Variants in SLC8A1 observed in about 807,000 individuals in gnomAD.
SLC8A1 encodes the protein sodium/calcium exchanger 1.
SLC8A1 carries 18 observed loss-of-function variants against 68.3 expected under a neutral mutation model. That is an observed-to-expected ratio of 0.26 (90% CI 0.18 to 0.39). SLC8A1 has a LOEUF of 0.39. Ranked by LOEUF, SLC8A1 falls within the 10% of genes least tolerant of loss-of-function variation. SLC8A1 has a pLI of 1.00. For missense variants in SLC8A1, 985 were observed against 1,156.7 expected, an observed-to-expected ratio of 0.85 and a Z score of 2.15; for synonymous variants, 475 against 415.5, an observed-to-expected ratio of 1.14 and a Z score of -1.74.
intron 2 of SLC8A1, among the ~76,000 whole-genome samples, chr2:40,297,702 G>A (rs971515724): frequency 1.3e-5 from 2 of 152,110 alleles, no homozygotes; most frequent in Non-Finnish European, 2.9e-5. Context: ...ACATAACTTA[G>A]AAATCCTAAA....
At chr2:40,374,086 C>T (rs749379134) in intron 2 of SLC8A1, among the ~76,000 whole-genome samples, 2 of 152,136 alleles carry the variant, frequency 1.3e-5, no homozygotes, top group Non-Finnish European at 2.9e-5. Flanking sequence ...CACAAATCCA[C>T]TGAGGATTAA....
intron 7 of SLC8A1, among the ~76,000 whole-genome samples, chr2:40,118,892 T>G (rs2036155571): frequency 6.6e-6 from 1 of 152,074 alleles, no homozygotes; most frequent in Non-Finnish European, 1.5e-5. Flanking sequence ...CCCTGGCACC[T>G]GATACATTGC....
At chr2:40,157,115 T>G (rs2148425206) in intron 6 of SLC8A1, among the ~76,000 whole-genome samples, 1 of 152,350 alleles carries the variant, frequency 6.6e-6, no homozygotes, top group Admixed American at 6.5e-5. Flanking sequence ...ATAGCTATTT[T>G]ATTAATTAAA....
intron 1 of SLC8A1, among the ~76,000 whole-genome samples, chr2:40,508,655 C>T (rs369633205): frequency 6.6e-6 from 1 of 152,054 alleles, no homozygotes; most frequent in Non-Finnish European, 1.5e-5. Flanking sequence ...TCCTTTTAAA[C>T]ATGCTGAAAC....
intron 2 of SLC8A1, among the ~76,000 whole-genome samples, chr2:40,367,595 C>T (rs369879147): frequency 8.6e-4 from 131 of 152,038 alleles, no homozygotes; most frequent in African/African-American, 3.0e-3. Context: ...GTGAGACAAA[C>T]GTACATGTGT....
intron 2 of SLC8A1, among the ~76,000 whole-genome samples, chr2:40,249,214 C>G (rs1471456523): frequency 6.6e-6 from 1 of 151,966 alleles, no homozygotes; most frequent in Non-Finnish European, 1.5e-5. Context: ...CTGAAATTAA[C>G]TGATTAAAGA....
chr2:40,362,593 A>G (rs1211682260), intron 2 of SLC8A1, among the ~76,000 whole-genome samples: 1 of 152,160 alleles, frequency 6.6e-6, no homozygotes, highest in Non-Finnish European at 1.5e-5. Context: ...TCTTCATGTG[A>G]CAATTACAGT....
At chr2:40,476,013 G>C (rs1219349526) in intron 1 of SLC8A1, among the ~76,000 whole-genome samples, 1 of 152,076 alleles carries the variant, frequency 6.6e-6, no homozygotes, top group East Asian at 1.9e-4. Context: ...TTTTCTTTGA[G>C]AGGTATTGTT....
Position 40,145,684 on chromosome 2 carries a change from A to G in SLC8A1, c.2162-6008T>C, listed in dbSNP as rs754471050. On this transcript the variant is annotated intron_variant, in intron 6 of 7. Coordinates refer to ENST00000406785, the Ensembl canonical transcript of SLC8A1. ...TTAGCGATCAGCTAAGAAAAATAAAACAGAATGGTGATTCAATTGATACAT... is the reference window on the plus strand; with the variant it reads ...TTAGCGATCAGCTAAGAAAAATAAAGCAGAATGGTGATTCAATTGATACAT... 1.5e-4 allele frequency among the ~76,000 whole-genome samples: 23 copies of G among 152,222 alleles called. 1 individual carries two copies. Among genetic ancestry groups the G allele is most frequent in the Admixed American group, 6.5e-5 (1 of 15,276 alleles).
chr2:40,436,248 T>G (rs528311581), intron 1 of SLC8A1, among the ~76,000 whole-genome samples: 2 of 152,164 alleles, frequency 1.3e-5, no homozygotes, highest in Non-Finnish European at 2.9e-5. Flanking sequence ...ATCTGCTTAT[T>G]GAATGAGTAA....
At chr2:40,154,281 A>AATTT (rs2043989175) in intron 6 of SLC8A1, among the ~76,000 whole-genome samples, 1 of 148,288 alleles carries the variant, frequency 6.7e-6, no homozygotes, top group Non-Finnish European at 1.5e-5. Flanking sequence ...CACAATTTTT[A>AATTT]ATTTATTTTT....
intron 2 of SLC8A1, among the ~76,000 whole-genome samples, chr2:40,312,502 A>C (rs1229857672): frequency 1.3e-5 from 2 of 152,098 alleles, no homozygotes; most frequent in Non-Finnish European, 2.9e-5. Context: ...TTTCTCCACA[A>C]ATTATAAAAG....
chr2:40,351,920 G>T (rs1671222415), intron 2 of SLC8A1, among the ~76,000 whole-genome samples: 1 of 152,126 alleles, frequency 6.6e-6, no homozygotes, highest in Non-Finnish European at 1.5e-5. Context: ...TTTCTGAGCA[G>T]ACCACTCCTA....
At chr2:40,358,088 G>T (rs905357529) in intron 2 of SLC8A1, among the ~76,000 whole-genome samples, 5 of 150,550 alleles carry the variant, frequency 3.3e-5, no homozygotes, top group Non-Finnish European at 7.4e-5. Flanking sequence ...GGTGCTGGTG[G>T]TGACCTAGCC....
At chr2:40,362,958 T>C (rs1243059858) in intron 2 of SLC8A1, among the ~76,000 whole-genome samples, 3 of 152,112 alleles carry the variant, frequency 2.0e-5, no homozygotes, top group Non-Finnish European at 4.4e-5. Context: ...GCCCCTTAGT[T>C]CTGACTAAAT....
At chr2:40,462,910 T>C (rs13025964) in intron 1 of SLC8A1, among the ~76,000 whole-genome samples, 7,444 of 152,226 alleles carry the variant, frequency 0.049, 358 homozygotes, top group East Asian at 0.27. Context: ...AGCTGTGTTA[T>C]GATAGATAAA....
At chr2:40,378,553 G>A (rs1406291882) in intron 2 of SLC8A1, among the ~76,000 whole-genome samples, 1 of 152,122 alleles carries the variant, frequency 6.6e-6, no homozygotes, top group Non-Finnish European at 1.5e-5. Flanking sequence ...GAGCAGAGGA[G>A]TGTCTGGGAA....
At chr2:40,379,403 C>A (rs1680983329) in intron 2 of SLC8A1, among the ~76,000 whole-genome samples, 1 of 151,924 alleles carries the variant, frequency 6.6e-6, no homozygotes. Flanking sequence ...TTTTTGTTTT[C>A]TTCCTTCAAC....
chr2:40,262,107 C>T (rs1183548987), intron 2 of SLC8A1, among the ~76,000 whole-genome samples: 1 of 152,024 alleles, frequency 6.6e-6, no homozygotes, highest in Non-Finnish European at 1.5e-5. Context: ...GGACTACAGG[C>T]ACGCGCCATC....
Sources: allele counts gnomAD v4.1 joint callset (sites outside exome capture counted in the v4.1 genomes callset), GRCh38; gene constraint gnomAD v4.1.1; transcripts MANE v1.5; gene names NCBI Gene and HGNC (gene_info 2026-07-23, HGNC 2026-07-21).